SLCO1B1: variants seen among roughly 807,000 people sequenced by gnomAD.
The protein encoded by SLCO1B1 is OATP-2.
In SLCO1B1, 81 loss-of-function variants were observed where a neutral mutation model predicts 70.1. The ratio of observed to expected loss-of-function variants is 1.16; its 90% CI spans 0.97 to 1.39. SLCO1B1 has a LOEUF of 1.39. Ranked by LOEUF, SLCO1B1 falls within the 40% of genes most tolerant of loss-of-function variation. SLCO1B1 has a pLI of 0.00. For missense variants in SLCO1B1, 895 were observed against 799.6 expected (o/e 1.12, Z -1.44); for synonymous variants, 283 against 271.5 (o/e 1.04, Z -0.42).
chr12:21,191,379 G>A (rs1031316028), intron 7 of SLCO1B1, among the ~76,000 whole-genome samples: 32 of 151,898 alleles, frequency 2.1e-4, no homozygotes, highest in African/African-American at 6.0e-4. Flanking sequence ...TATTCTTTAT[G>A]ATTTTAGTGT....
intron 9 of SLCO1B1, among the ~76,000 whole-genome samples, chr12:21,201,835 CCA>C (rs1941161517): frequency 6.6e-6 from 1 of 152,102 alleles, no homozygotes; most frequent in Non-Finnish European, 1.5e-5. Flanking sequence ...AGATCCCCTA[CCA>C]CCATACTGCT....
At chr12:21,229,675 T>C (rs1941514198) in intron 14 of SLCO1B1, among the ~76,000 whole-genome samples, 3 of 152,170 alleles carry the variant, frequency 2.0e-5, no homozygotes. Context: ...TGATGATATA[T>C]ATGAAGATGT....
intron 2 of SLCO1B1, among the ~76,000 whole-genome samples, chr12:21,156,724 T>C (rs1940549025): frequency 6.6e-6 from 1 of 152,178 alleles, no homozygotes; most frequent in South Asian, 2.1e-4. Flanking sequence ...TATCTTGAGC[T>C]GGGGTACATC....
intron 1 of SLCO1B1, among the ~76,000 whole-genome samples, chr12:21,139,280 G>C (rs887764584): frequency 6.6e-6 from 1 of 151,838 alleles, no homozygotes; most frequent in Non-Finnish European, 1.5e-5. Flanking sequence ...TTAATCAAAG[G>C]GCAGCTTATT....
chr12:21,133,507 T>C (rs1417147195), intron 1 of SLCO1B1, among the ~76,000 whole-genome samples: 1 of 152,182 alleles, frequency 6.6e-6, no homozygotes, highest in African/African-American at 2.4e-5. Flanking sequence ...TTTTATTTCA[T>C]TGAGCAGTGG....
At chr12:21,202,783 ACTTT>A (rs1159206377) in intron 10 of SLCO1B1, 97 bp downstream of exon 10, 13 of 985,178 alleles carry the variant, frequency 1.3e-5, no homozygotes, top group East Asian at 7.8e-5. Flanking sequence ...TTTTAACTAA[ACTTT>A]CTTTAAGTTA....
At chr12:21,233,765 C>G (rs1192201217) in intron 14 of SLCO1B1, among the ~76,000 whole-genome samples, 1 of 152,170 alleles carries the variant, frequency 6.6e-6, no homozygotes, top group Non-Finnish European at 1.5e-5. Flanking sequence ...AATCCATGCA[C>G]ATTGGGTCAG....
At chr12:21,144,297 A>G (rs1010010043) in intron 2 of SLCO1B1, among the ~76,000 whole-genome samples, 4 of 152,138 alleles carry the variant, frequency 2.6e-5, no homozygotes, top group Non-Finnish European at 5.9e-5. Context: ...TAACAACAAA[A>G]TAGACCAAGC....
chr12:21,187,934 G>T (rs531586698), intron 7 of SLCO1B1, among the ~76,000 whole-genome samples: 1 of 152,274 alleles, frequency 6.6e-6, no homozygotes, highest in South Asian at 2.1e-4. Flanking sequence ...ACTAGTGTCA[G>T]ATGATGGGGA....
chr12:21,149,547 A>G (rs1053660243), intron 2 of SLCO1B1, among the ~76,000 whole-genome samples: 6 of 152,148 alleles, frequency 3.9e-5, no homozygotes, highest in Non-Finnish European at 8.8e-5. Context: ...TGCAGCCAAC[A>G]GGGGGCAAGC....
Position 21,176,807 on chromosome 12 carries a change from T to C in SLCO1B1, c.391T>C (p.Ser131Pro). The change falls in exon 5 of 15, where the codon TCA (serine) becomes CCA (proline). Residue 131 changes from serine (S) to proline (P), a missense_variant. Coordinates refer to ENST00000256958, the MANE Select transcript of SLCO1B1 (RefSeq NM_006446.5). ...GTATTCTAAAGAAACTAATATCAAT[T>C]CATCAGAAAATTCAACATCGACCTT... ...YRYSKETNIN[S>P]SENSTSTLST... The C allele has an allele frequency of 6.5e-7, 1 of 1,538,600 alleles. No individual in the cohort carries two copies. Among genetic ancestry groups the C allele is most frequent in the Non-Finnish European group, 9.0e-7 (1 of 1,112,142 alleles).
chr12:21,133,290 C>G lies in SLCO1B1; in HGVS notation c.-62+2054C>G, dbSNP rs529291332. On this transcript the variant is annotated intron_variant, in intron 1 of 14. Coordinates refer to ENST00000256958, the MANE Select transcript of SLCO1B1 (RefSeq NM_006446.5). ...GTGATGCCTCCAGCTTTGTTCTTTT[C>G]GCTTAGGATTGACTTGGTATGCGGG... Among the ~76,000 whole-genome samples, 23 of 152,040 alleles carry G rather than the reference C, an allele frequency of 1.5e-4. No individual in the cohort carries two copies. The East Asian group carries it at 1.5e-3, about 10-fold the overall frequency.
chr12:21,138,205 G>A (rs1461263459), intron 1 of SLCO1B1, among the ~76,000 whole-genome samples: 1 of 152,030 alleles, frequency 6.6e-6, no homozygotes, highest in Non-Finnish European at 1.5e-5. Flanking sequence ...GGGTCACTTT[G>A]CCTAAACCGG....
At chr12:21,199,158 C>T (rs961752424) in intron 8 of SLCO1B1, among the ~76,000 whole-genome samples, 2 of 152,024 alleles carry the variant, frequency 1.3e-5, no homozygotes, top group African/African-American at 4.8e-5. Context: ...TGTTTCGTAG[C>T]TGACATTAAA....
chr12:21,194,714 C>A (rs553770062), intron 7 of SLCO1B1, among the ~76,000 whole-genome samples: 2 of 152,324 alleles, frequency 1.3e-5, no homozygotes, highest in East Asian at 3.9e-4. Flanking sequence ...CAATGTCCCA[C>A]TTCTTGGTAA....
intron 2 of SLCO1B1, among the ~76,000 whole-genome samples, chr12:21,148,456 A>C (rs1008776213): frequency 6.6e-6 from 1 of 152,126 alleles, no homozygotes; most frequent in East Asian, 1.9e-4. Flanking sequence ...CATCATATAT[A>C]TTAAGAAGGG....
chr12:21,176,970 G>A, intron 5 of SLCO1B1, 73 bp downstream of exon 5: 2 of 1,176,994 alleles, frequency 1.7e-6, no homozygotes, highest in Admixed American at 1.8e-5. Flanking sequence ...AAATTGTTGT[G>A]ATATTCATTA....
intron 11 of SLCO1B1, among the ~76,000 whole-genome samples, chr12:21,213,723 T>C (rs1025569818): frequency 2.1e-5 from 3 of 144,814 alleles, no homozygotes; most frequent in African/African-American, 7.6e-5. Flanking sequence ...AGATTTGGTC[T>C]TTTCACATAG....
At chr12:21,228,827 G>T (rs992911237) in intron 14 of SLCO1B1, among the ~76,000 whole-genome samples, 1 of 152,028 alleles carries the variant, frequency 6.6e-6, no homozygotes, top group African/African-American at 2.4e-5. Context: ...TAACTGCCAG[G>T]AAATGCTCCG....
Sources: allele counts gnomAD v4.1 joint callset (sites outside exome capture counted in the v4.1 genomes callset), GRCh38; gene constraint gnomAD v4.1.1; transcripts MANE v1.5; gene names NCBI Gene and HGNC (gene_info 2026-07-23, HGNC 2026-07-21).